Variants in TMEM276 observed in about 807,000 individuals in gnomAD.
TMEM276 encodes transmembrane protein 276.
the TMEM276 span, chr8:144,464,533 T>C: frequency 6.2e-7 from 1 of 1,612,210 alleles, no homozygotes; most frequent in Admixed American, 1.7e-5. Flanking sequence ...GCAGTCTTCG[T>C]GTGTGCTCAG....
the TMEM276 span, chr8:144,465,395 G>A: frequency 1.9e-6 from 2 of 1,025,982 alleles, no homozygotes; most frequent in East Asian, 1.0e-4. Context: ...GGAGGCCCGA[G>A]CCTGCGCAAC....
chr8:144,465,113 C>T, the TMEM276 span: 20 of 1,485,070 alleles, frequency 1.3e-5, no homozygotes, highest in Admixed American at 4.4e-5. Context: ...AGAAGAAGAA[C>T]CTAATTCAGC....
chr8:144,466,605 GGCGCGGGGCGACGGGGCC>G, the TMEM276 span: 1 of 881,756 alleles, frequency 1.1e-6, no homozygotes, highest in African/African-American at 1.8e-5. Flanking sequence ...GCGGGCACGG[GGCGCGGGGCGACGGGGCC>G]GTGCCGAGGA....
the TMEM276 span, chr8:144,465,160 G>A: frequency 7.2e-7 from 1 of 1,387,550 alleles, no homozygotes. Context: ...GTCTAAGCTG[G>A]GGGGAACGTC....
the TMEM276 span, chr8:144,465,379 C>CGA: frequency 3.9e-6 from 4 of 1,029,600 alleles, no homozygotes; most frequent in Non-Finnish European, 4.7e-6. Flanking sequence ...AACGCAGCGG[C>CGA]GAGCGGGAGG....
chr8:144,463,932 T>G, the TMEM276 span: 1 of 1,452,054 alleles, frequency 6.9e-7, no homozygotes, highest in Non-Finnish European at 9.0e-7. Context: ...ACCCTGTCCC[T>G]TTCATTCTGG....
the TMEM276 span, chr8:144,466,556 C>A: frequency 1.3e-5 from 14 of 1,082,086 alleles, no homozygotes; most frequent in African/African-American, 2.0e-4. Flanking sequence ...CGTCTCCCGC[C>A]GCCTGCCCCA....
the TMEM276 span, chr8:144,465,019 G>A: frequency 1.3e-6 from 2 of 1,536,898 alleles, no homozygotes; most frequent in Non-Finnish European, 1.7e-6. Context: ...AGTAAGCCCA[G>A]GTTCCAGGTC....
the TMEM276 span, chr8:144,466,430 T>G: frequency 4.5e-6 from 6 of 1,333,960 alleles, no homozygotes; most frequent in Middle Eastern, 2.1e-4. Context: ...ATGTACGCCT[T>G]TTACTCGTTG....
At chr8:144,464,826 C>T in the TMEM276 span, 1 of 1,612,858 alleles carries the variant, frequency 6.2e-7, no homozygotes, top group East Asian at 2.2e-5. Flanking sequence ...GTGCTCACGG[C>T]TGCGTGCAGA....
the TMEM276 span, chr8:144,465,583 G>A: frequency 5.3e-5 from 10 of 187,532 alleles, no homozygotes; most frequent in Non-Finnish European, 9.8e-5. Flanking sequence ...GGGGGGGGCC[G>A]GTTGGAGGCC....
the TMEM276 span, chr8:144,464,799 G>A: frequency 6.2e-6 from 10 of 1,612,464 alleles, no homozygotes; most frequent in South Asian, 9.9e-5. Flanking sequence ...CTCAGCCCCA[G>A]TGTACTCACC....
the TMEM276 span, chr8:144,466,946 C>G: frequency 9.4e-6 from 15 of 1,588,222 alleles, no homozygotes; most frequent in Non-Finnish European, 1.3e-5. Flanking sequence ...CCGCCCTCCT[C>G]CCTGACCGGC....
the TMEM276 span, chr8:144,466,622 C>A: frequency 2.3e-6 from 2 of 861,382 alleles, no homozygotes; most frequent in Admixed American, 4.3e-5. Context: ...GGCGACGGGG[C>A]CGTGCCGAGG....
the TMEM276 span, chr8:144,464,759 G>C: frequency 6.2e-7 from 1 of 1,607,198 alleles, no homozygotes; most frequent in East Asian, 2.2e-5. Context: ...TAGGTCCTTG[G>C]GGTTTGGGAG....
At chr8:144,466,298 AGCCGGGCCGTGGGG>A in the TMEM276 span, 1 of 236,588 alleles carries the variant, frequency 4.2e-6, no homozygotes, top group Non-Finnish European at 7.7e-6. Context: ...CAGCCGTGGG[AGCCGGGCCGTGGGG>A]GCGGCCGTCG....
chr8:144,464,515 C>G, the TMEM276 span: 5 of 1,612,302 alleles, frequency 3.1e-6, no homozygotes, highest in Non-Finnish European at 3.4e-6. Flanking sequence ...CACCCAGGCT[C>G]CAGCAAGGCA....
chr8:144,466,421 T>C, the TMEM276 span: 1 of 1,321,918 alleles, frequency 7.6e-7, no homozygotes, highest in South Asian at 1.7e-5. Flanking sequence ...CGCGCTCCCA[T>C]GTACGCCTTT....
chr8:144,466,863 G>A, the TMEM276 span: 1 of 1,536,320 alleles, frequency 6.5e-7, no homozygotes, highest in Non-Finnish European at 8.7e-7. Flanking sequence ...GGAGTCCCGC[G>A]GTGCGAGGGC....
Sources: allele counts gnomAD v4.1 joint callset, GRCh38; gene constraint gnomAD v4.1.1; transcripts MANE v1.5; gene names NCBI Gene and HGNC (gene_info 2026-07-23, HGNC 2026-07-21).